The following ULK2 variants were observed in gnomAD, a reference collection of about 807,000 sequenced individuals.
ULK2 encodes unc-51 like autophagy activating kinase 2.
A neutral mutation model predicts 127.5 loss-of-function variants in ULK2; 76 were observed. The ratio of observed to expected loss-of-function variants is 0.60; its 90% confidence interval spans 0.50 to 0.72. ULK2 has a LOEUF of 0.72. Ranked by LOEUF, ULK2 falls within the 30% of genes least tolerant of loss-of-function variation. ULK2 has a pLI of 0.00. For missense variants in ULK2, 1,144 were observed against 1,295.9 expected, an observed-to-expected ratio of 0.88 and a Z score of 1.80; for synonymous variants, 452 against 461.9, an observed-to-expected ratio of 0.98 and a Z score of 0.28.
chr17:19,849,040 A>C (rs561762235), intron 5 of ULK2, among the ~76,000 whole-genome samples: 1 of 152,318 alleles, frequency 6.6e-6, no homozygotes, highest in South Asian at 2.1e-4. Flanking sequence ...GAAAGAAACG[A>C]AACGGACTAA....
At chr17:19,858,065 C>T (rs957767265) in intron 3 of ULK2, among the ~76,000 whole-genome samples, 3 of 152,098 alleles carry the variant, frequency 2.0e-5, no homozygotes, top group African/African-American at 4.8e-5. Flanking sequence ...GTTCAAACCT[C>T]GCCAAGAGCT....
chr17:19,864,818 T>C lies in ULK2; in HGVS notation c.210A>G (p.Ala70=). The C allele has an allele frequency of 7.6e-7, 1 of 1,324,248 alleles. No homozygotes were observed. The highest frequency in any genetic ancestry group is 1.0e-6 in the Non-Finnish European group (1 of 1,003,608). 82.0% of individuals were successfully genotyped at this position (1,324,248 alleles called of 1,614,324 possible). A position where few individuals can be genotyped will look rare whatever the true frequency, so the allele number is the denominator to read the frequency against. ...LKELQHENIV[A]LYDVQELPNS... is the part of the protein sequence containing the mutation. ...AATAAGGTACCTGAACATCATAGAG[T>C]GCTACAATATTTTCATGCTGAAGTT... The change falls in exon 3 of 27, where the codon GCA becomes GCG. Residue 70 remains alanine (A), a synonymous_variant. Coordinates refer to ENST00000395544, the MANE Select transcript of ULK2 (RefSeq NM_014683.4).
chr17:19,810,007 G>GGATCATGA (rs2087599273), intron 14 of ULK2, among the ~76,000 whole-genome samples: 1 of 152,044 alleles, frequency 6.6e-6, no homozygotes, highest in Non-Finnish European at 1.5e-5. Context: ...CAAGGCGGGC[G>GGATCATGA]GATCATGAGA....
chr17:19,784,883 C>T (rs1449396307), intron 21 of ULK2, among the ~76,000 whole-genome samples: 2 of 151,964 alleles, frequency 1.3e-5, no homozygotes, highest in Non-Finnish European at 2.9e-5. Context: ...ATGTTACTTT[C>T]GTAAAATGGT....
intron 12 of ULK2, among the ~76,000 whole-genome samples, chr17:19,819,579 C>T (rs1178835242): frequency 6.6e-6 from 1 of 152,198 alleles, no homozygotes; most frequent in African/African-American, 2.4e-5. Context: ...AGCCAAAATT[C>T]TCTCTGATGA....
At position 19,849,317 on chromosome 17, in the gene ULK2, A is replaced by G. The variant is rs946338675; in HGVS notation, c.295+52T>C. The G allele has an allele frequency of 5.2e-6, 8 of 1,531,512 alleles. No individual in the cohort carries two copies. The African/African-American group carries it at 6.8e-5, about 13-fold the overall frequency. 94.9% of individuals were successfully genotyped at this position (1,531,512 alleles called of 1,614,324 possible). On this transcript the variant is annotated intron_variant, in intron 5 of 26. Transcript: ENST00000395544. ...TATTTCACAAGTACCTCTTAGGATT[A>G]AACAGGCTGCAGCACTGTCTTTACT...
In ULK2 at chr17:19,799,529, AGGAT is replaced by A; in HGVS notation, c.1484_1487del (p.His495LeufsTer125). The stretch of plus-strand genomic sequence containing the variant: ...TTCTACTCCTGGAGTCATGGCCCTG[AGGAT>A]GCCCACAGCAGCACTGACTGAATTG... On this transcript the variant is annotated frameshift_variant, in exon 17 of 27. Transcript: ENST00000395544. LOFTEE classifies it high-confidence loss of function. 6.3e-7 allele frequency: 1 copy of A among 1,585,288 alleles called. No individual in the cohort carries two copies. The highest frequency in any genetic ancestry group is 1.2e-5 in the South Asian group (1 of 85,966).
chr17:19,814,429 T>TGTATATATATAC (rs2040920537), intron 13 of ULK2, among the ~76,000 whole-genome samples: 1 of 16,714 alleles, frequency 6.0e-5, no homozygotes, highest in African/African-American at 2.8e-4. Flanking sequence ...TATATATATA[T>TGTATATATATAC]ATATATATAT....
chr17:19,801,631 G>C (rs1288892304), intron 16 of ULK2, 146 bp downstream of exon 16: 1 of 974,402 alleles, frequency 1.0e-6, no homozygotes, highest in Non-Finnish European at 1.5e-6. Context: ...GTTGGGATTG[G>C]GGTAAAGATG....
chr17:19,826,078 TTAA>T (rs1442032151), intron 11 of ULK2, 58 bp downstream of exon 11: 1 of 949,454 alleles, frequency 1.1e-6, no homozygotes, highest in African/African-American at 1.7e-5. Flanking sequence ...GTAAAAATCA[TTAA>T]TTTTTCCTAA....
intron 13 of ULK2, among the ~76,000 whole-genome samples, chr17:19,814,419 T>TAC (rs1179974040): frequency 0.053 from 844 of 16,018 alleles, 26 homozygotes; most frequent in African/African-American, 0.14. Context: ...TACATATATA[T>TAC]ATATATATAT....
intron 10 of ULK2, among the ~76,000 whole-genome samples, chr17:19,827,859 G>A (rs530282452): frequency 6.6e-6 from 1 of 151,308 alleles, no homozygotes; most frequent in South Asian, 2.1e-4. Flanking sequence ...GCGGTGAGCC[G>A]AGAACCTGCC....
Position 19,829,380 on chromosome 17 carries a change from A to T in ULK2, c.788-3194T>A, listed in dbSNP as rs182218652. Among the ~76,000 whole-genome samples the T allele has an allele frequency of 1.4e-3, 216 of 152,120 alleles. 1 individual carries two copies. Among genetic ancestry groups the T allele is most frequent in the Admixed American group, 2.6e-3 (40 of 15,258 alleles). On this transcript the variant is annotated intron_variant, in intron 10 of 26. Coordinates refer to ENST00000395544, the MANE Select transcript of ULK2 (RefSeq NM_014683.4). ...GTGAAACCCTGTCTCCACAAAAAAT[A>T]CAAAAATTAGCCAGGTGTGGTAGCT...
intron 10 of ULK2, among the ~76,000 whole-genome samples, chr17:19,838,020 A>G (rs1429639683): frequency 6.6e-6 from 1 of 152,204 alleles, no homozygotes; most frequent in Non-Finnish European, 1.5e-5. Context: ...GCTTACAGGC[A>G]TGCTCCCAGC....
At chr17:19,806,854 C>T (rs2087527017) in intron 14 of ULK2, among the ~76,000 whole-genome samples, 1 of 152,146 alleles carries the variant, frequency 6.6e-6, no homozygotes, top group Non-Finnish European at 1.5e-5. Context: ...GGCAGCCTGG[C>T]CACACAAAAG....
At chr17:19,831,547 A>C (rs1477725439) in intron 10 of ULK2, among the ~76,000 whole-genome samples, 7 of 152,216 alleles carry the variant, frequency 4.6e-5, no homozygotes, top group Admixed American at 4.6e-4. Context: ...AAATAAGGCC[A>C]GGTGCCGTGC....
At chr17:19,846,600 A>G in intron 6 of ULK2, 137 bp downstream of exon 6, 1 of 981,094 alleles carries the variant, frequency 1.0e-6, no homozygotes. Context: ...AGATCGCGCC[A>G]CTACACGCCA....
chr17:19,823,928 C>G (rs1224295654), intron 12 of ULK2, among the ~76,000 whole-genome samples: 3 of 152,340 alleles, frequency 2.0e-5, no homozygotes, highest in Admixed American at 6.5e-5. Context: ...CTTTACCTAA[C>G]AGTTGCCACC....
chr17:19,838,515 T>C lies in ULK2; in HGVS notation c.773A>G (p.Asp258Gly). Residue 258 changes from aspartate (D) to glycine (G), a missense_variant, in exon 10 of 27, where the codon GAT becomes GGT. Asp to Gly is a moderately conservative substitution (Grantham distance 94). This residue lies in a region of ULK2 where 231 missense variants were observed against 325.4 expected (regional missense o/e 0.71). Coordinates refer to ENST00000395544, the MANE Select transcript of ULK2 (RefSeq NM_014683.4). ...CTATTTCTTACCAAAGTCCATTCTA[T>C]CTTTTTGGTTTCTCTGAAGCAAACC... The part of the protein sequence containing the change: ...LLGLLQRNQK[D>G]RMDFEAFFSH... 6.2e-7 allele frequency: 1 copy of C among 1,611,814 alleles called. No individual in the cohort carries two copies. Among genetic ancestry groups the C allele is most frequent in the Non-Finnish European group, 8.5e-7 (1 of 1,179,250 alleles).
Sources: allele counts gnomAD v4.1 joint callset (sites outside exome capture counted in the v4.1 genomes callset), GRCh38; gene constraint gnomAD v4.1.1; regional missense constraint gnomAD v4.1.1; transcripts MANE v1.5; gene names NCBI Gene and HGNC (gene_info 2026-07-23, HGNC 2026-07-21).